CSF1R: variants seen among roughly 807,000 people sequenced by gnomAD.
CSF1R encodes the protein colony stimulating factor 1 receptor.
Under a neutral mutation model 110.0 loss-of-function variants are expected in CSF1R, and 40 were observed. The ratio of observed to expected loss-of-function variants is 0.36; its 90% CI spans 0.28 to 0.47. The LOEUF (loss-of-function observed/expected upper bound fraction) is 0.47, where lower values mean the gene tolerates loss of function less well. Ranked by LOEUF, CSF1R falls within the 20% of genes least tolerant of loss-of-function variation. The probability of loss-of-function intolerance (pLI) is 0.99; values close to 1 mark genes in which losing one functional copy is unlikely to be tolerated. For missense variants in CSF1R, 1,052 were observed against 1,253.0 expected, an observed-to-expected ratio of 0.84 and a Z score of 2.42; for synonymous variants, 523 against 503.4, an observed-to-expected ratio of 1.04 and a Z score of -0.52.
chr5:150,094,666 T>C, intron 1 of CSF1R: 1 of 1,585,676 alleles, frequency 6.3e-7, no homozygotes. Context: ...AATGGAACCT[T>C]TGTGAAGCTC....
At chr5:150,103,431 C>T (rs1276277332) in intron 1 of CSF1R, among the ~76,000 whole-genome samples, 2 of 152,240 alleles carry the variant, frequency 1.3e-5, no homozygotes, top group South Asian at 2.1e-4. Context: ...GGAGGTACTA[C>T]TTCTCCAGGG....
intron 5 of CSF1R, chr5:150,077,035 C>T: frequency 1.8e-6 from 1 of 562,662 alleles, no homozygotes; most frequent in Non-Finnish European, 3.2e-6. Flanking sequence ...CAAAAAATGG[C>T]ACTAAGGTGC....
At position 150,053,837 on chromosome 5, in the gene CSF1R, G is replaced by GC. The variant is rs3216780; in HGVS notation, c.*231_*232insG. 327,308 of 582,452 alleles carry GC rather than the reference G, an allele frequency of 0.56. 95,202 individuals are homozygous for GC. Among genetic ancestry groups the GC allele is most frequent in the Non-Finnish European group, 0.61 (199,237 of 327,174 alleles). The allele number at this position is 582,452 out of a possible 1,614,324, so 36.1% of individuals were successfully genotyped here. A position where few individuals can be genotyped will look rare whatever the true frequency, so the allele number is the denominator to read the frequency against. ...CAACACCATGAGAACAGTAGGGGAG[G>GC]GGGGGGTGAGGGCTCAGCCCCCAGC... On this transcript the variant is annotated 3_prime_UTR_variant, in exon 21 of 21. Transcript: ENST00000675795.
chr5:150,072,140 C>T (rs1758058151), intron 6 of CSF1R, among the ~76,000 whole-genome samples: 1 of 152,184 alleles, frequency 6.6e-6, no homozygotes, highest in African/African-American at 2.4e-5. Flanking sequence ...GTGTGGCATG[C>T]ACACCACGTA....
At chr5:150,102,637 G>A (rs190395203) in intron 1 of CSF1R, among the ~76,000 whole-genome samples, 262 of 152,058 alleles carry the variant, frequency 1.7e-3, no homozygotes, top group Middle Eastern at 6.8e-3. Flanking sequence ...CCACCACCAC[G>A]GCCAATTAAT....
At chr5:150,088,913 T>C (rs1758948634), upstream of CSF1R, among the ~76,000 whole-genome samples, 1 of 152,200 alleles carries the variant, frequency 6.6e-6, no homozygotes, top group Non-Finnish European at 1.5e-5. Flanking sequence ...AATACAACAG[T>C]GGTTTAACAC....
intron 1 of CSF1R, among the ~76,000 whole-genome samples, chr5:150,084,475 T>C (rs972758315): frequency 2.2e-5 from 3 of 135,346 alleles, no homozygotes; most frequent in African/African-American, 8.6e-5. Context: ...AGGAAGGAGA[T>C]GGAGTCTTGC....
At chr5:150,099,060 A>ATTTTTTTT (rs58025190) in intron 1 of CSF1R, among the ~76,000 whole-genome samples, 1 of 126,772 alleles carries the variant, frequency 7.9e-6, no homozygotes, top group Non-Finnish European at 1.6e-5. Flanking sequence ...CACCCAGCTA[A>ATTTTTTTT]TTTTTTTTTT....
chr5:150,098,861 A>G (rs936460582), intron 1 of CSF1R, among the ~76,000 whole-genome samples: 1 of 151,478 alleles, frequency 6.6e-6, no homozygotes, highest in Non-Finnish European at 1.5e-5. Flanking sequence ...GACAGTTTCA[A>G]GTGCTGATAA....
chr5:150,075,403 TCTCA>T (rs1758219114), intron 5 of CSF1R, among the ~76,000 whole-genome samples: 1 of 152,118 alleles, frequency 6.6e-6, no homozygotes, highest in African/African-American at 2.4e-5. Flanking sequence ...CCACTTTTTT[TCTCA>T]CTCTCTCCCC....
intron 10 of CSF1R, among the ~76,000 whole-genome samples, chr5:150,067,707 C>T (rs530715375): frequency 6.6e-6 from 1 of 152,308 alleles, no homozygotes; most frequent in South Asian, 2.1e-4. Context: ...GCCCAGGGGA[C>T]ACCACGCTTG....
chr5:150,081,622 A>G (rs1446844886), intron 1 of CSF1R, among the ~76,000 whole-genome samples: 4 of 152,154 alleles, frequency 2.6e-5, no homozygotes, highest in African/African-American at 9.7e-5. Flanking sequence ...AAACAGGGAC[A>G]ATCATCGTAC....
intron 10 of CSF1R, among the ~76,000 whole-genome samples, chr5:150,065,529 C>T (rs570116642): frequency 1.3e-5 from 2 of 152,344 alleles, no homozygotes; most frequent in East Asian, 1.9e-4. Context: ...ACAGACAGGC[C>T]ACTTCTTTCC....
intron 1 of CSF1R, among the ~76,000 whole-genome samples, chr5:150,082,072 T>C (rs570530342): frequency 6.5e-4 from 99 of 152,218 alleles, no homozygotes; most frequent in African/African-American, 2.3e-3. Flanking sequence ...CACTTCTGCT[T>C]CCCCAGCCTC....
At chr5:150,065,391 T>C (rs1192180915) in intron 10 of CSF1R, among the ~76,000 whole-genome samples, 1 of 152,238 alleles carries the variant, frequency 6.6e-6, no homozygotes, top group Non-Finnish European at 1.5e-5. Context: ...GCCATTTCCC[T>C]GTGCGCCTCC....
intron 14 of CSF1R, among the ~76,000 whole-genome samples, 166 bp downstream of exon 14, chr5:150,059,534 G>C (rs1311214548): frequency 1.3e-5 from 2 of 152,182 alleles, no homozygotes; most frequent in African/African-American, 2.4e-5. Context: ...AGAGAAACAA[G>C]AGATGGCCAT....
At position 150,080,111 on chromosome 5, in the gene CSF1R, C is replaced by T. The variant is rs1228085120; in HGVS notation, c.533G>A (p.Ser178Asn). ...KFIQSQDYQC[S>N]ALMGGRKVMS... ...CACCTTCCTGCCACCCATCAGGGCA[C>T]TGCATTGATAGTCCTGGCTCTGAAT... The change falls in exon 3 of 21, where the codon AGT (serine) becomes AAT (asparagine). Residue 178 changes from serine (S) to asparagine (N), a missense_variant. Ser to Asn is a conservative substitution (Grantham distance 46, BLOSUM62 1). Around this residue, in one of 5 missense-constraint regions of CSF1R, gnomAD observed 693 missense variants for 735.4 expected, o/e 0.94. Coordinates refer to ENST00000675795, the MANE Select transcript of CSF1R (RefSeq NM_001288705.3). The T allele has an allele frequency of 6.2e-7, 1 of 1,614,218 alleles. No homozygotes were observed. The highest frequency in any genetic ancestry group is 8.5e-7 in the Non-Finnish European group (1 of 1,180,056).
At chr5:150,072,941 C>G (rs1334415919) in intron 6 of CSF1R, among the ~76,000 whole-genome samples, 1 of 152,142 alleles carries the variant, frequency 6.6e-6, no homozygotes, top group Admixed American at 6.6e-5. Flanking sequence ...AGGAGTGTGT[C>G]TATGAGTGGG....
rs778756889 is a variant in CSF1R at position 150,077,452 on chromosome 5, T to C, written c.730-17A>G. 1.9e-6 allele frequency: 3 copies of C among 1,607,386 alleles called. No individual in the cohort carries two copies. Among genetic ancestry groups the C allele is most frequent in the Admixed American group, 1.7e-5 (1 of 59,856 alleles). The stretch of plus-strand genomic sequence containing the variant: ...GATTGCGAGCTGCAGCCAGAAGGAA[T>C]GGAGATGTTATACCAAGGTAGTTTA... On this transcript the variant is annotated splice_polypyrimidine_tract_variant and intron_variant, in intron 4 of 20. Transcript: ENST00000675795.
Sources: gnomAD v4.1 joint callset for allele counts (sites outside exome capture counted in the v4.1 genomes callset) on GRCh38, gnomAD v4.1.1 for gene constraint, gnomAD v4.1.1 regional missense constraint, MANE v1.5 for transcripts, NCBI Gene and HGNC (gene_info 2026-07-23, HGNC 2026-07-21) for gene names.